Variants in CPA6 observed in about 807,000 individuals in gnomAD.
The protein encoded by CPA6 is carboxypeptidase B.
Under a neutral mutation model 63.3 loss-of-function variants are expected in CPA6, and 58 were observed. The ratio of observed to expected loss-of-function variants is 0.92; its 90% CI spans 0.74 to 1.14. The LOEUF (loss-of-function observed/expected upper bound fraction) is 1.14, where lower values mean the gene tolerates loss of function less well. Among genes scored for constraint, CPA6 ranks in the 50% most tolerant of loss-of-function variants. The pLI is 0.00. For missense variants in CPA6, 565 were observed against 526.6 expected, an observed-to-expected ratio of 1.07 and a Z score of -0.71; for synonymous variants, 185 against 179.0, an observed-to-expected ratio of 1.03 and a Z score of -0.27.
chr8:67,588,816 A>T (rs1814020081), intron 2 of CPA6, among the ~76,000 whole-genome samples: 1 of 152,156 alleles, frequency 6.6e-6, no homozygotes, highest in Admixed American at 6.5e-5. Context: ...ATCACGAGTG[A>T]TGGAGACTAG....
intron 1 of CPA6, among the ~76,000 whole-genome samples, chr8:67,688,995 T>A (rs201264512): frequency 7.0e-6 from 1 of 142,046 alleles, no homozygotes; most frequent in East Asian, 2.3e-4. Context: ...TATTATTATT[T>A]TTTAGATGGA....
In CPA6 at chr8:67,710,397, GCCC is replaced by G. The variant is rs1322760447; in HGVS notation, c.116+35614_116+35616del. 2.6e-3 allele frequency among the ~76,000 whole-genome samples: 239 copies of G among 90,912 alleles called. 2 individuals are homozygous for G. Among genetic ancestry groups the G allele is most frequent in the South Asian group, 0.017 (46 of 2,760 alleles). The allele number at this position is 90,912 out of a possible 152,430, so 59.6% of individuals were successfully genotyped here. A position where few individuals can be genotyped will look rare whatever the true frequency, so the allele number is the denominator to read the frequency against. On this transcript the variant is annotated intron_variant, in intron 1 of 10. Coordinates refer to ENST00000297770, the MANE Select transcript of CPA6 (RefSeq NM_020361.5). ...GATTCTCTGCAGGTGCAAATTTCCCGCCCCCACCCCCCCCCAACCCCCCACCCC... is the reference window on the plus strand; with the variant it reads ...GATTCTCTGCAGGTGCAAATTTCCCGCCACCCCCCCCCAACCCCCCACCCC...
intron 2 of CPA6, among the ~76,000 whole-genome samples, chr8:67,551,946 G>T (rs1358520437): frequency 1.3e-5 from 2 of 152,136 alleles, no homozygotes; most frequent in African/African-American, 4.8e-5. Flanking sequence ...TGATGAAATG[G>T]GCAGTGAAGA....
At chr8:67,701,706 A>G (rs1461886273) in intron 1 of CPA6, among the ~76,000 whole-genome samples, 3 of 152,222 alleles carry the variant, frequency 2.0e-5, no homozygotes, top group Admixed American at 2.0e-4. Flanking sequence ...GAATTACTTT[A>G]TGCACAGACC....
intron 6 of CPA6, among the ~76,000 whole-genome samples, chr8:67,494,796 T>G (rs1412449553): frequency 1.3e-5 from 2 of 152,228 alleles, no homozygotes; most frequent in African/African-American, 4.8e-5. Flanking sequence ...TTGTCTCTTC[T>G]TATCAGCTTA....
intron 8 of CPA6, among the ~76,000 whole-genome samples, chr8:67,447,912 G>A (rs111292639): frequency 0.082 from 12,402 of 152,162 alleles, 1,240 homozygotes; most frequent in African/African-American, 0.24. Context: ...AGCCTCCTGA[G>A]TAGCTGGGAT....
At chr8:67,445,811 A>C (rs893751060) in intron 8 of CPA6, among the ~76,000 whole-genome samples, 8 of 152,234 alleles carry the variant, frequency 5.3e-5, no homozygotes, top group Admixed American at 1.3e-4. Context: ...TGGACATTCA[A>C]AACACCTTTT....
intron 10 of CPA6, among the ~76,000 whole-genome samples, chr8:67,425,132 T>A (rs1180390216): frequency 6.6e-6 from 1 of 152,222 alleles, no homozygotes; most frequent in African/African-American, 2.4e-5. Flanking sequence ...TTATTTTGCC[T>A]CTTTATATCC....
intron 1 of CPA6, among the ~76,000 whole-genome samples, chr8:67,664,996 G>A (rs1391916038): frequency 1.3e-5 from 2 of 152,160 alleles, no homozygotes; most frequent in Admixed American, 6.5e-5. Context: ...GAGGCAGAAA[G>A]CAATGGTTAC....
intron 10 of CPA6, among the ~76,000 whole-genome samples, chr8:67,427,704 C>G (rs1241805614): frequency 6.6e-6 from 1 of 152,112 alleles, no homozygotes; most frequent in African/African-American, 2.4e-5. Flanking sequence ...AAACATTTAC[C>G]TCATTATCTT....
At chr8:67,503,863 C>A in intron 6 of CPA6, among the ~76,000 whole-genome samples, 1 of 152,010 alleles carries the variant, frequency 6.6e-6, no homozygotes, top group South Asian at 2.1e-4. Context: ...TTTTAAGCTG[C>A]GCATGCATTA....
At chr8:67,533,046 G>A (rs1039371903) in intron 2 of CPA6, among the ~76,000 whole-genome samples, 2 of 152,202 alleles carry the variant, frequency 1.3e-5, no homozygotes, top group Non-Finnish European at 2.9e-5. Context: ...ATCAGGCATT[G>A]TATAGGTAAG....
intron 6 of CPA6, among the ~76,000 whole-genome samples, chr8:67,487,820 AT>A (rs1487824412): frequency 2.6e-5 from 4 of 152,166 alleles, no homozygotes; most frequent in East Asian, 3.9e-4. Context: ...GATGATGAGC[AT>A]TTTTTCATGT....
intron 2 of CPA6, among the ~76,000 whole-genome samples, chr8:67,607,972 T>C (rs1237240523): frequency 6.8e-6 from 1 of 147,272 alleles, no homozygotes; most frequent in South Asian, 2.2e-4. Flanking sequence ...AGTGGGCAGC[T>C]TTCCTCTATG....
chr8:67,572,257 C>T (rs1248556953), intron 2 of CPA6, among the ~76,000 whole-genome samples: 2 of 152,122 alleles, frequency 1.3e-5, no homozygotes, highest in Admixed American at 6.5e-5. Context: ...AATTTGATCC[C>T]TAATGTGGTG....
At chr8:67,596,031 T>TC (rs1315824921) in intron 2 of CPA6, among the ~76,000 whole-genome samples, 1 of 152,168 alleles carries the variant, frequency 6.6e-6, no homozygotes, top group Non-Finnish European at 1.5e-5. Flanking sequence ...TCTTGGCTCC[T>TC]CCCCCCAGTG....
intron 2 of CPA6, among the ~76,000 whole-genome samples, chr8:67,551,639 C>A (rs1812940982): frequency 6.6e-6 from 1 of 152,178 alleles, no homozygotes; most frequent in Non-Finnish European, 1.5e-5. Flanking sequence ...GATATTGATT[C>A]TTCCGATTCT....
intron 1 of CPA6, among the ~76,000 whole-genome samples, chr8:67,742,809 C>T (rs114076877): frequency 1.5e-3 from 235 of 152,276 alleles, no homozygotes; most frequent in African/African-American, 5.4e-3. Flanking sequence ...CAGACTTATG[C>T]TACGCTGACA....
At chr8:67,447,620 C>T (rs1311137359) in intron 8 of CPA6, among the ~76,000 whole-genome samples, 3 of 151,418 alleles carry the variant, frequency 2.0e-5, no homozygotes, top group Non-Finnish European at 4.4e-5. Flanking sequence ...TTTTAATTTT[C>T]ATAGATTTTT....
Sources: gnomAD v4.1 joint callset for allele counts (sites outside exome capture counted in the v4.1 genomes callset) on GRCh38, gnomAD v4.1.1 for gene constraint, MANE v1.5 for transcripts, NCBI Gene and HGNC (gene_info 2026-07-23, HGNC 2026-07-21) for gene names.